LRTM3: variants seen among roughly 807,000 people sequenced by gnomAD.
The protein encoded by LRTM3 is leucine-rich repeat transmembrane protein 3.
At chr13:102,743,005 C>A in the LRTM3 span, 2 of 1,544,818 alleles carry the variant, frequency 1.3e-6, no homozygotes, top group Non-Finnish European at 1.7e-6. Context: ...TTTCTGAATT[C>A]CCTTTGTAAA....
chr13:102,733,722 C>T, the LRTM3 span: 3 of 1,551,226 alleles, frequency 1.9e-6, no homozygotes, highest in Non-Finnish European at 2.6e-6. Flanking sequence ...TAAATGTCCT[C>T]ATCCCGTGAG....
the LRTM3 span, chr13:102,739,983 T>C: frequency 6.4e-7 from 1 of 1,550,582 alleles, no homozygotes; most frequent in East Asian, 2.4e-5. Flanking sequence ...GTTCTCCTTT[T>C]GTGGCATATC....
chr13:102,740,680 A>G, the LRTM3 span: 1 of 1,548,032 alleles, frequency 6.5e-7, no homozygotes, highest in Non-Finnish European at 8.7e-7. Flanking sequence ...GCATAGATGC[A>G]TTGAACTGAA....
At chr13:102,738,546 A>C in the LRTM3 span, 1 of 1,550,812 alleles carries the variant, frequency 6.4e-7, no homozygotes, top group Non-Finnish European at 8.7e-7. Flanking sequence ...ATTTTCTTCA[A>C]AGCCCTAATT....
At chr13:102,749,338 T>A in the LRTM3 span, 1 of 1,551,404 alleles carries the variant, frequency 6.4e-7, no homozygotes, top group South Asian at 1.2e-5. Flanking sequence ...TCAATTCTGA[T>A]GAAACAATTT....
At chr13:102,733,927 G>T in the LRTM3 span, 1 of 1,551,220 alleles carries the variant, frequency 6.4e-7, no homozygotes, top group Admixed American at 2.0e-5. Flanking sequence ...GGGTATTTGA[G>T]GGTACATGGA....
chr13:102,739,279 C>G, the LRTM3 span: 57 of 1,549,702 alleles, frequency 3.7e-5, no homozygotes, highest in Non-Finnish European at 4.6e-5. Context: ...ATTTGAGGCC[C>G]ATTACATCTT....
At chr13:102,737,292 G>T in the LRTM3 span, 21 of 1,550,964 alleles carry the variant, frequency 1.4e-5, no homozygotes. Context: ...AATGATTTCT[G>T]CTGCCTTAGT....
At chr13:102,733,229 TG>T in the LRTM3 span, 1 of 1,551,404 alleles carries the variant, frequency 6.4e-7, no homozygotes, top group Non-Finnish European at 8.7e-7. Context: ...TTCTATATTT[TG>T]GGGGGCATTC....
chr13:102,732,071 G>C, the LRTM3 span: 1 of 1,551,216 alleles, frequency 6.4e-7, no homozygotes, highest in African/African-American at 1.4e-5. Context: ...CACTGCAAAG[G>C]GCTGGGGATC....
chr13:102,737,166 C>A, the LRTM3 span: 1 of 1,551,008 alleles, frequency 6.4e-7, no homozygotes, highest in Non-Finnish European at 8.7e-7. Flanking sequence ...ATATAATCCA[C>A]ACTTACTGTT....
chr13:102,731,365 G>A, the LRTM3 span: 2 of 1,551,382 alleles, frequency 1.3e-6, no homozygotes, highest in Non-Finnish European at 1.7e-6. Flanking sequence ...TTGGATAAAA[G>A]TTGAACATTT....
At chr13:102,746,278 T>C in the LRTM3 span, 2 of 1,551,074 alleles carry the variant, frequency 1.3e-6, no homozygotes, top group Admixed American at 3.9e-5. Flanking sequence ...GTGGCGCTGC[T>C]TCTAATAAAA....
the LRTM3 span, chr13:102,744,628 T>C: frequency 6.4e-7 from 1 of 1,550,854 alleles, no homozygotes. Context: ...GACTCTTCGG[T>C]TCAGATCCTG....
the LRTM3 span, chr13:102,748,337 A>T: frequency 1.6e-5 from 25 of 1,550,924 alleles, no homozygotes; most frequent in African/African-American, 2.1e-4. Flanking sequence ...TTGAATTTTT[A>T]TGGCTTCTAA....
chr13:102,729,760 A>G, the LRTM3 span: 1 of 1,551,846 alleles, frequency 6.4e-7, no homozygotes, highest in Non-Finnish European at 8.7e-7. Flanking sequence ...CTGACTCATA[A>G]TCATACACTC....
the LRTM3 span, chr13:102,742,606 G>C: frequency 6.4e-7 from 1 of 1,550,408 alleles, no homozygotes; most frequent in Non-Finnish European, 8.7e-7. Context: ...CTGTCTTCTG[G>C]GCTTTAAAGT....
the LRTM3 span, chr13:102,729,857 C>G: frequency 6.4e-7 from 1 of 1,551,780 alleles, no homozygotes; most frequent in African/African-American, 1.4e-5. Context: ...TAAATCAGAT[C>G]TGGCCTTCTT....
At chr13:102,753,119 C>T in the LRTM3 span, among the ~76,000 whole-genome samples, 1 of 152,180 alleles carries the variant, frequency 6.6e-6, no homozygotes, top group Non-Finnish European at 1.5e-5. Flanking sequence ...GGCACATATA[C>T]ACCATGGAAT....
Sources: allele counts gnomAD v4.1 joint callset (sites outside exome capture counted in the v4.1 genomes callset), GRCh38; gene constraint gnomAD v4.1.1; transcripts MANE v1.5; gene names NCBI Gene and HGNC (gene_info 2026-07-23, HGNC 2026-07-21).